Variants in SNTG1 observed in about 807,000 individuals in gnomAD.
SNTG1 encodes the protein gamma-1-syntrophin.
A neutral mutation model predicts 74.7 loss-of-function variants in SNTG1; 39 were observed. That is an observed-to-expected ratio of 0.52 (90% CI 0.40 to 0.68). SNTG1 has a LOEUF of 0.68. Ranked by LOEUF, SNTG1 falls within the 30% of genes least tolerant of loss-of-function variation. SNTG1 has a pLI of 0.00. For synonymous variants in SNTG1, 254 were observed against 217.1 expected, an observed-to-expected ratio of 1.17 and a Z score of -1.49; for missense variants, 685 against 609.5, an observed-to-expected ratio of 1.12 and a Z score of -1.30.
intron 1 of SNTG1, among the ~76,000 whole-genome samples, chr8:50,142,284 C>A (rs2081687353): frequency 6.6e-6 from 1 of 151,668 alleles, no homozygotes; most frequent in Non-Finnish European, 1.5e-5. Flanking sequence ...CTACAGAAAC[C>A]CAGACTACAG....
At chr8:50,695,960 T>C (rs530133775) in intron 15 of SNTG1, among the ~76,000 whole-genome samples, 1 of 152,112 alleles carries the variant, frequency 6.6e-6, no homozygotes, top group African/African-American at 2.4e-5. Flanking sequence ...TAAAATGATT[T>C]CTTTTCCTTT....
At chr8:50,033,207 T>C (rs1047637863) in intron 1 of SNTG1, among the ~76,000 whole-genome samples, 1 of 151,400 alleles carries the variant, frequency 6.6e-6, no homozygotes, top group African/African-American at 2.4e-5. Context: ...CACCACAACC[T>C]CTGCCTCCTG....
chr8:50,510,558 G>T (rs193086005), intron 9 of SNTG1, among the ~76,000 whole-genome samples: 94 of 152,186 alleles, frequency 6.2e-4, no homozygotes, highest in African/African-American at 2.0e-3. Flanking sequence ...ACTTTTTTTG[G>T]TTGGTAAGCT....
At chr8:50,456,670 A>G (rs1389662993) in intron 8 of SNTG1, among the ~76,000 whole-genome samples, 1 of 152,140 alleles carries the variant, frequency 6.6e-6, no homozygotes, top group Non-Finnish European at 1.5e-5. Flanking sequence ...TACCACCACA[A>G]TGGGGGTCAA....
intron 13 of SNTG1, among the ~76,000 whole-genome samples, chr8:50,642,753 G>C (rs1333567524): frequency 6.6e-6 from 1 of 151,802 alleles, no homozygotes; most frequent in South Asian, 2.1e-4. Context: ...TCTTTTCCTT[G>C]ATTTATTTAT....
intron 1 of SNTG1, among the ~76,000 whole-genome samples, chr8:49,982,196 T>A (rs1459569274): frequency 1.3e-5 from 2 of 152,142 alleles, no homozygotes; most frequent in African/African-American, 2.4e-5. Context: ...TCAGTGAGTA[T>A]GTCAGATCCT....
At chr8:50,017,838 T>G (rs1482008028) in intron 1 of SNTG1, among the ~76,000 whole-genome samples, 1 of 151,854 alleles carries the variant, frequency 6.6e-6, no homozygotes, top group African/African-American at 2.4e-5. Flanking sequence ...ATACCCACTT[T>G]CAATAATGGA....
intron 11 of SNTG1, among the ~76,000 whole-genome samples, chr8:50,544,022 G>C (rs951847886): frequency 6.6e-6 from 1 of 151,884 alleles, no homozygotes; most frequent in African/African-American, 2.4e-5. Context: ...AAATTGATTT[G>C]TTAGATTTTA....
At chr8:50,287,225 A>G (rs1379248825) in intron 2 of SNTG1, among the ~76,000 whole-genome samples, 1 of 152,056 alleles carries the variant, frequency 6.6e-6, no homozygotes, top group Non-Finnish European at 1.5e-5. Flanking sequence ...CCCAACCATA[A>G]ATCAGGTTAA....
In SNTG1 at chr8:50,624,130, G is replaced by A. The variant is rs566037980; in HGVS notation, c.850-32779G>A. The stretch of plus-strand genomic sequence containing the variant: ...ACAGTGGAATTCTTGAGCCAGAGAT[G>A]ATTTTCTCATGGCTATGGTTATACA... On this transcript the variant is annotated intron_variant, in intron 13 of 18. Coordinates refer to ENST00000642720, the MANE Select transcript of SNTG1 (RefSeq NM_018967.5). 1.3e-4 allele frequency among the ~76,000 whole-genome samples: 20 copies of A among 151,972 alleles called. No individual in the cohort carries two copies. In the South Asian group the frequency reaches 4.0e-3, roughly 30 times the overall value.
chr8:50,170,905 T>C (rs1210741780), intron 1 of SNTG1, among the ~76,000 whole-genome samples: 3 of 152,194 alleles, frequency 2.0e-5, no homozygotes, highest in Admixed American at 2.0e-4. Context: ...GCAGCCTCCC[T>C]CTTCCAAAGG....
rs1368101982 is a variant in SNTG1, at chr8:49,912,046, C to T, written c.-288C>T. 2.0e-5 allele frequency: 3 copies of T among 152,212 alleles called. No homozygotes were observed. The highest frequency in any genetic ancestry group is 7.2e-5 in the African/African-American group (3 of 41,410). The allele number at this position is 152,212 out of a possible 1,614,324, so 9.4% of individuals were successfully genotyped here. On this transcript the variant is annotated 5_prime_UTR_variant, in exon 1 of 19. Transcript: ENST00000642720. Reference sequence around the variant, plus strand: ...AGTAAAGTCGAAGTTCTTAGAAGCTCTGAGAAATCATGGGCCGTGCGGTAG... The same window carrying T: ...AGTAAAGTCGAAGTTCTTAGAAGCTTTGAGAAATCATGGGCCGTGCGGTAG...
At chr8:50,113,595 C>T (rs1308971259) in intron 1 of SNTG1, among the ~76,000 whole-genome samples, 1 of 152,084 alleles carries the variant, frequency 6.6e-6, no homozygotes, top group Non-Finnish European at 1.5e-5. Context: ...TGCCTGATTG[C>T]CCTGGCCAGA....
At chr8:50,429,794 G>A (rs573929239) in intron 4 of SNTG1, among the ~76,000 whole-genome samples, 6 of 151,876 alleles carry the variant, frequency 4.0e-5, no homozygotes, top group Non-Finnish European at 7.4e-5. Flanking sequence ...TCAATTAAAC[G>A]GGCAATCAAA....
chr8:50,064,915 G>A (rs2130961206), intron 1 of SNTG1, among the ~76,000 whole-genome samples: 1 of 152,264 alleles, frequency 6.6e-6, no homozygotes, highest in African/African-American at 2.4e-5. Flanking sequence ...ATTTCATACA[G>A]TATCTTACAT....
intron 1 of SNTG1, among the ~76,000 whole-genome samples, chr8:49,937,495 C>G (rs992665969): frequency 1.3e-5 from 2 of 152,176 alleles, no homozygotes; most frequent in East Asian, 3.9e-4. Context: ...TTTATTTGTA[C>G]TGTTTCAAGG....
At chr8:50,436,965 T>C (rs1486329344) in intron 4 of SNTG1, among the ~76,000 whole-genome samples, 1 of 152,136 alleles carries the variant, frequency 6.6e-6, no homozygotes. Context: ...ACAAACAGTA[T>C]GCTGAAAAAT....
At chr8:50,708,851 A>G (rs1467687617) in intron 16 of SNTG1, 35 bp from the exon 17 acceptor site, 1 of 1,410,290 alleles carries the variant, frequency 7.1e-7, no homozygotes, top group Admixed American at 1.7e-5. Context: ...TGCATCAATA[A>G]CATGAAAAGT....
intron 18 of SNTG1, among the ~76,000 whole-genome samples, chr8:50,785,713 A>T (rs1412759409): frequency 3.3e-5 from 5 of 151,828 alleles, no homozygotes; most frequent in South Asian, 2.1e-4. Context: ...CATCAGATGA[A>T]AAGAAAGCCA....
Sources: allele counts gnomAD v4.1 joint callset (sites outside exome capture counted in the v4.1 genomes callset), GRCh38; gene constraint gnomAD v4.1.1; transcripts MANE v1.5; gene names NCBI Gene and HGNC (gene_info 2026-07-23, HGNC 2026-07-21).